The following HAUS6 variants were observed in gnomAD, a reference collection of about 807,000 sequenced individuals.
HAUS6 encodes the protein HAUS augmin-like complex subunit 6.
A neutral mutation model predicts 106.8 loss-of-function variants in HAUS6; 80 were observed. The ratio of observed to expected loss-of-function variants is 0.75; its 90% confidence interval spans 0.63 to 0.90. The LOEUF is 0.90. Among genes scored for constraint, HAUS6 ranks in the 40% least tolerant of loss-of-function variants. HAUS6 has a pLI of 0.00. For synonymous variants in HAUS6, 356 were observed against 379.1 expected (o/e 0.94, Z 0.71); for missense variants, 1,155 against 1,118.1 (o/e 1.03, Z -0.47).
At chr9:19,079,022 G>T (rs1207542390) in intron 9 of HAUS6, among the ~76,000 whole-genome samples, 1 of 149,772 alleles carries the variant, frequency 6.7e-6, no homozygotes, top group Non-Finnish European at 1.5e-5. Flanking sequence ...AAATTGGCTG[G>T]ACATGGTGGC....
chr9:19,063,998 G>C (rs1315928180), intron 12 of HAUS6, among the ~76,000 whole-genome samples: 1 of 140,742 alleles, frequency 7.1e-6, no homozygotes, highest in African/African-American at 2.7e-5. Context: ...ACGGAGTTTC[G>C]CTCTTGTTGC....
chr9:19,091,123 A>G (rs1335187826), intron 4 of HAUS6, among the ~76,000 whole-genome samples: 1 of 151,800 alleles, frequency 6.6e-6, no homozygotes, highest in Non-Finnish European at 1.5e-5. Context: ...ACATAATGAT[A>G]CCCCATCTAT....
At position 19,060,150 on chromosome 9, in the gene HAUS6, T is replaced by C; in HGVS notation, c.1703A>G (p.Asp568Gly). Reference sequence around the variant, plus strand: ...TAAGAAGGGGTTAGAACCCAGAGAGTCAATTAGTTCCTCTAATTTTATTTC... The same window carrying C: ...TAAGAAGGGGTTAGAACCCAGAGAGCCAATTAGTTCCTCTAATTTTATTTC... ...GKEIKLEELI[D>G]SLGSNPFLTR... The change falls in exon 15 of 17, where the codon GAC becomes GGC. Residue 568 changes from aspartate (D) to glycine (G), a missense_variant. Around this residue, in one of 3 missense-constraint regions of HAUS6, gnomAD observed 761 missense variants for 690.0 expected, o/e 1.10. Coordinates refer to ENST00000380502, the MANE Select transcript of HAUS6 (RefSeq NM_017645.5). 1 of 1,594,584 alleles carries C rather than the reference T, an allele frequency of 6.3e-7. No individual in the cohort carries two copies. Among genetic ancestry groups the C allele is most frequent in the South Asian group, 1.1e-5 (1 of 89,694 alleles).
At chr9:19,063,827 T>C (rs772637782) in intron 12 of HAUS6, 2 of 671,564 alleles carry the variant, frequency 3.0e-6, no homozygotes, top group South Asian at 2.8e-5. Context: ...GTCAACAATA[T>C]TTTGATTTGA....
chr9:19,096,564 CAAAAAAAAAA>C lies in HAUS6; in HGVS notation c.224+100_224+109del, dbSNP rs370743421. 62 of 269,398 alleles carry C rather than the reference CAAAAAAAAAA, an allele frequency of 2.3e-4. 1 individual carries two copies. The highest frequency in any genetic ancestry group is 2.1e-3 in the African/African-American group (40 of 18,774). 16.7% of individuals were successfully genotyped at this position (269,398 alleles called of 1,614,324 possible). ...TCGATGACGGAGTGAGACTCCGTCT[CAAAAAAAAAA>C]AAAAAAAAAAAAAAAGGAGAGAATT... On this transcript the variant is annotated intron_variant, in intron 2 of 16. Coordinates refer to ENST00000380502, the MANE Select transcript of HAUS6 (RefSeq NM_017645.5).
intron 9 of HAUS6, among the ~76,000 whole-genome samples, chr9:19,079,845 C>G (rs1252864754): frequency 6.6e-6 from 1 of 150,670 alleles, no homozygotes; most frequent in Non-Finnish European, 1.5e-5. Context: ...CACACCATTG[C>G]ACTCTAGCCT....
intron 1 of HAUS6, among the ~76,000 whole-genome samples, chr9:19,099,557 T>A (rs1817943681): frequency 6.6e-6 from 1 of 152,104 alleles, no homozygotes; most frequent in South Asian, 2.1e-4. Flanking sequence ...CTCAAACTCC[T>A]GGGCTCAAGC....
intron 4 of HAUS6, 123 bp downstream of exon 4, chr9:19,093,048 T>C: frequency 1.5e-6 from 1 of 688,654 alleles, no homozygotes; most frequent in Non-Finnish European, 2.4e-6. Flanking sequence ...CATTTCCTTT[T>C]TGGGGTACAT....
At chr9:19,065,871 C>G in intron 12 of HAUS6, among the ~76,000 whole-genome samples, 2 of 152,006 alleles carry the variant, frequency 1.3e-5, no homozygotes, top group Admixed American at 1.3e-4. Context: ...AAATTTTGTA[C>G]TTTAGAATTC....
In HAUS6 at chr9:19,056,383, C is replaced by T. The variant is rs1242431673; in HGVS notation, c.2828G>A (p.Ser943Asn). The change falls in exon 17 of 17, where the codon AGC becomes AAC. Residue 943 changes from serine to asparagine, a missense_variant. Coordinates refer to ENST00000380502, the MANE Select transcript of HAUS6 (RefSeq NM_017645.5). ...NLKEEDILNK[S>N]LDAKEPPSDL... ...AGACGGTGGTTCTTTTGCATCAAGGCTCTTATTCAAAATGTCTTCTTCTGC... is the reference window on the plus strand; with the variant it reads ...AGACGGTGGTTCTTTTGCATCAAGGTTCTTATTCAAAATGTCTTCTTCTGC... 1.3e-6 allele frequency: 2 copies of T among 1,554,780 alleles called. No individual in the cohort carries two copies. Among genetic ancestry groups the T allele is most frequent in the Admixed American group, 3.3e-5 (2 of 59,758 alleles).
At chr9:19,079,605 C>A (rs1227580893) in intron 9 of HAUS6, among the ~76,000 whole-genome samples, 1 of 152,058 alleles carries the variant, frequency 6.6e-6, no homozygotes, top group Non-Finnish European at 1.5e-5. Flanking sequence ...ACTCTCTGTC[C>A]ATTCCTATAA....
rs1308813467 is a variant in HAUS6 at position 19,053,458 on chromosome 9, T to TC, written c.*2884dup. On this transcript the variant is annotated 3_prime_UTR_variant, in exon 17 of 17. Transcript: ENST00000380502. Reference sequence around the variant, plus strand: ...AAATTTGACTTCATAGTCAAGAGTCTCATGGTAAAGAAAAGGTATCAAAAT... The same window carrying TC: ...AAATTTGACTTCATAGTCAAGAGTCTCCATGGTAAAGAAAAGGTATCAAAAT... The TC allele has an allele frequency of 6.6e-6, 1 of 152,202 alleles. No individual in the cohort carries two copies. Among genetic ancestry groups the TC allele is most frequent in the African/African-American group, 2.4e-5 (1 of 41,470 alleles). The allele number at this position is 152,202 out of a possible 1,614,324, so 9.4% of individuals were successfully genotyped here. A position where few individuals can be genotyped will look rare whatever the true frequency, so the allele number is the denominator to read the frequency against.
chr9:19,094,003 A>T (rs1314580104), intron 3 of HAUS6, among the ~76,000 whole-genome samples: 2 of 152,256 alleles, frequency 1.3e-5, no homozygotes, highest in Non-Finnish European at 2.9e-5. Flanking sequence ...ATACAGACAC[A>T]ATCATTGATA....
Position 19,054,706 on chromosome 9 carries a change from G to A in HAUS6, c.*1637C>T, listed in dbSNP as rs1203577455. ...GCAACAACGTACCTGCTTCTTAAAAGTACCACAGGGTTAAATGTGAATCTC... is the reference window on the plus strand; with the variant it reads ...GCAACAACGTACCTGCTTCTTAAAAATACCACAGGGTTAAATGTGAATCTC... On this transcript the variant is annotated 3_prime_UTR_variant, in exon 17 of 17. Coordinates refer to ENST00000380502, the MANE Select transcript of HAUS6 (RefSeq NM_017645.5). The A allele has an allele frequency of 6.6e-6, 1 of 152,174 alleles. No homozygotes were observed. Among genetic ancestry groups the A allele is most frequent in the Admixed American group, 6.5e-5 (1 of 15,278 alleles). 9.4% of individuals were successfully genotyped at this position (152,174 alleles called of 1,614,324 possible).
At chr9:19,079,601 T>C (rs1193996575) in intron 9 of HAUS6, among the ~76,000 whole-genome samples, 2 of 152,108 alleles carry the variant, frequency 1.3e-5, no homozygotes, top group African/African-American at 2.4e-5. Context: ...TCCCACTCTC[T>C]GTCCATTCCT....
chr9:19,059,010 A>G lies in HAUS6; in HGVS notation c.1766-9T>C. ...GCTCCTAATTTCAGTTACTAATTAA[A>G]GGGGAGAAAAACACAGTTTACTAAC... On this transcript the variant is annotated splice_polypyrimidine_tract_variant and intron_variant, in intron 15 of 16. Coordinates refer to ENST00000380502, the MANE Select transcript of HAUS6 (RefSeq NM_017645.5). The G allele has an allele frequency of 6.8e-7, 1 of 1,481,140 alleles. No homozygotes were observed. Among genetic ancestry groups the G allele is most frequent in the Non-Finnish European group, 9.4e-7 (1 of 1,068,146 alleles). The allele number at this position is 1,481,140 out of a possible 1,614,324, so 91.7% of individuals were successfully genotyped here. A position where few individuals can be genotyped will look rare whatever the true frequency, so the allele number is the denominator to read the frequency against.
chr9:19,063,659 T>C (rs778909027), intron 12 of HAUS6, 79 bp from the exon 13 acceptor site: 2 of 966,870 alleles, frequency 2.1e-6, no homozygotes, highest in Non-Finnish European at 3.4e-6. Flanking sequence ...TTCTAAAATC[T>C]GTCTGCCCCG....
intron 1 of HAUS6, among the ~76,000 whole-genome samples, chr9:19,100,811 A>G (rs1387193690): frequency 1.3e-5 from 2 of 152,238 alleles, no homozygotes; most frequent in Non-Finnish European, 2.9e-5. Flanking sequence ...ACTGGAGGTC[A>G]TTATCTTAAG....
intron 2 of HAUS6, among the ~76,000 whole-genome samples, chr9:19,096,066 C>A (rs147260103): frequency 6.6e-6 from 1 of 151,858 alleles, no homozygotes; most frequent in Non-Finnish European, 1.5e-5. Flanking sequence ...GTTTTGCTAA[C>A]AATAATTTGC....
Sources: allele counts gnomAD v4.1 joint callset (sites outside exome capture counted in the v4.1 genomes callset), GRCh38; gene constraint gnomAD v4.1.1; regional missense constraint gnomAD v4.1.1; transcripts MANE v1.5; gene names NCBI Gene and HGNC (gene_info 2026-07-23, HGNC 2026-07-21).